Variants in NAV3 observed in about 807,000 individuals in gnomAD.
NAV3 encodes the protein neuron navigator 3, also known as pore membrane and/or filament interacting like protein 1.
Under a neutral mutation model 244.7 loss-of-function variants are expected in NAV3, and 87 were observed. That is an observed-to-expected ratio of 0.36 (90% CI 0.30 to 0.42). The LOEUF (loss-of-function observed/expected upper bound fraction) is 0.42. Among genes scored for constraint, NAV3 ranks in the 20% least tolerant of loss-of-function variants. The pLI is 1.00. For missense variants in NAV3, 2,663 were observed against 2,893.3 expected (o/e 0.92, Z 1.83); for synonymous variants, 1,126 against 1,042.2 (o/e 1.08, Z -1.55).
At chr12:78,136,294 G>A (rs1956371427) in intron 18 of NAV3, among the ~76,000 whole-genome samples, 2 of 152,132 alleles carry the variant, frequency 1.3e-5, no homozygotes, top group South Asian at 4.1e-4. Context: ...TTAAATATGA[G>A]CATTTAGAAT....
At chr12:77,967,127 A>C (rs1377922523) in intron 4 of NAV3, among the ~76,000 whole-genome samples, 4 of 152,082 alleles carry the variant, frequency 2.6e-5, no homozygotes, top group African/African-American at 9.7e-5. Flanking sequence ...TCCCCAGGAT[A>C]ATATGTTGCT....
At position 77,709,771 on chromosome 12, in the gene NAV3, G is replaced by T. The variant is rs146779202; in HGVS notation, c.72+137505G>T. Among the ~76,000 whole-genome samples the T allele has an allele frequency of 8.4e-3, 1,279 of 152,182 alleles. 6 individuals are homozygous for T. Among genetic ancestry groups the T allele is most frequent in the Middle Eastern group, 0.017 (5 of 294 alleles). On this transcript the variant is annotated intron_variant, in intron 2 of 8. Transcript: ENST00000550042. ...TCTCCCTCATCAAATTGCAACCTTGGTAATATTGATTTGTATTTCCAGCAA... is the reference window on the plus strand; with the variant it reads ...TCTCCCTCATCAAATTGCAACCTTGTTAATATTGATTTGTATTTCCAGCAA...
rs768091441 is a variant in NAV3, at chr12:77,994,815, A to G, written c.684A>G (p.Arg228=). The change falls in exon 6 of 40, where the codon AGA becomes AGG. Residue 228 remains arginine (R), a synonymous_variant. Coordinates refer to ENST00000397909, the MANE Select transcript of NAV3 (RefSeq NM_001024383.2). ...TCTCCTCATACAGTCTGGCAGCCAGATATGCAACTCAGTCTAATCACAGTG... is the reference window on the plus strand; with the variant it reads ...TCTCCTCATACAGTCTGGCAGCCAGGTATGCAACTCAGTCTAATCACAGTG... The part of the protein sequence containing the change: ...QQDMQSSLAA[R]YATQSNHSGI... 1.9e-6 allele frequency: 3 copies of G among 1,611,200 alleles called. No individual in the cohort carries two copies. Among genetic ancestry groups the G allele is most frequent in the African/African-American group, 2.7e-5 (2 of 74,780 alleles).
At chr12:77,738,616 A>T (rs1263067633) in intron 2 of NAV3, among the ~76,000 whole-genome samples, 1 of 152,210 alleles carries the variant, frequency 6.6e-6, no homozygotes, top group Non-Finnish European at 1.5e-5. Flanking sequence ...AGGCATATGC[A>T]TTTTGTGTAC....
At chr12:77,750,483 A>G (rs1449621811) in intron 2 of NAV3, among the ~76,000 whole-genome samples, 2 of 151,986 alleles carry the variant, frequency 1.3e-5, no homozygotes, top group African/African-American at 4.8e-5. Flanking sequence ...AGTGCGCTCT[A>G]ATCATGCCTG....
intron 1 of NAV3, among the ~76,000 whole-genome samples, chr12:77,897,954 G>A (rs77279605): frequency 0.076 from 11,536 of 152,148 alleles, 558 homozygotes; most frequent in Non-Finnish European, 0.1. Flanking sequence ...CTAAACTCAC[G>A]CTGGATGACT....
At chr12:78,058,239 A>T (rs138371739) in intron 11 of NAV3, among the ~76,000 whole-genome samples, 134 of 152,278 alleles carry the variant, frequency 8.8e-4, no homozygotes, top group Non-Finnish European at 1.2e-3. Context: ...TAAGGGAAAG[A>T]GGTTTAATTG....
intron 2 of NAV3, among the ~76,000 whole-genome samples, chr12:77,660,366 T>C (rs1450038467): frequency 6.6e-6 from 1 of 152,178 alleles, no homozygotes; most frequent in African/African-American, 2.4e-5. Flanking sequence ...TATTGTAGTA[T>C]CATAAACTAA....
chr12:77,655,575 G>A (rs1329952493), intron 2 of NAV3, among the ~76,000 whole-genome samples: 2 of 152,052 alleles, frequency 1.3e-5, no homozygotes, highest in African/African-American at 4.8e-5. Flanking sequence ...AGCAAGGCAG[G>A]CCAACATTCA....
At chr12:77,972,531 T>A (rs1893084091) in intron 5 of NAV3, among the ~76,000 whole-genome samples, 1 of 152,158 alleles carries the variant, frequency 6.6e-6, no homozygotes, top group Non-Finnish European at 1.5e-5. Context: ...TATTTGCATT[T>A]ATTTAATATA....
chr12:77,656,400 G>A lies in NAV3; in HGVS notation c.72+84134G>A, dbSNP rs371061994. Among the ~76,000 whole-genome samples, 97 of 121,750 alleles carry A rather than the reference G, an allele frequency of 8.0e-4. 1 individual carries two copies. Among genetic ancestry groups the A allele is most frequent in the South Asian group, 1.7e-3 (6 of 3,600 alleles). 79.9% of individuals were successfully genotyped at this position (121,750 alleles called of 152,430 possible). Reference sequence around the variant, plus strand: ...TGGTAAAGGGATCAATTCAACAAGAGGAGCTAACTATCCTAAATATATATG... The same window carrying A: ...TGGTAAAGGGATCAATTCAACAAGAAGAGCTAACTATCCTAAATATATATG... On this transcript the variant is annotated intron_variant, in intron 2 of 8. Coordinates refer to the NAV3 transcript ENST00000550042.
chr12:77,907,616 G>A (rs1042917953), intron 1 of NAV3, among the ~76,000 whole-genome samples: 8 of 152,054 alleles, frequency 5.3e-5, no homozygotes, highest in African/African-American at 1.9e-4. Flanking sequence ...GTAGCAATGT[G>A]TTTGTGGAAG....
intron 11 of NAV3, among the ~76,000 whole-genome samples, chr12:78,054,788 C>T (rs762749651): frequency 2.0e-5 from 3 of 151,760 alleles, no homozygotes; most frequent in Non-Finnish European, 4.4e-5. Context: ...TAGAGAAAAT[C>T]GGCAGAGAGA....
intron 2 of NAV3, among the ~76,000 whole-genome samples, chr12:77,685,400 C>A (rs1009790242): frequency 6.6e-6 from 1 of 151,912 alleles, no homozygotes; most frequent in African/African-American, 2.4e-5. Flanking sequence ...TCATTTCTCT[C>A]TTTGTTCATT....
chr12:77,800,737 G>A (rs1273311583), intron 2 of NAV3, among the ~76,000 whole-genome samples: 1 of 152,144 alleles, frequency 6.6e-6, no homozygotes, highest in African/African-American at 2.4e-5. Flanking sequence ...GATTTAGTAG[G>A]GGGATTATTT....
At chr12:77,762,351 A>G (rs957064055) in intron 2 of NAV3, among the ~76,000 whole-genome samples, 2 of 152,174 alleles carry the variant, frequency 1.3e-5, no homozygotes, top group Admixed American at 1.3e-4. Context: ...TGGGTGCAGC[A>G]AACAATTATG....
chr12:78,200,456 T>A lies in NAV3; in HGVS notation c.6716-17T>A. ...AAATATAACTCTTAAAATATTTTGT[T>A]ATTTATTTCTTATCAGGTCCCCGAC... On this transcript the variant is annotated splice_polypyrimidine_tract_variant and intron_variant, in intron 37 of 39. Coordinates refer to ENST00000397909, the MANE Select transcript of NAV3 (RefSeq NM_001024383.2). 3.5e-6 allele frequency: 5 copies of A among 1,423,424 alleles called. No individual in the cohort carries two copies. The highest frequency in any genetic ancestry group is 4.8e-6 in the Non-Finnish European group (5 of 1,038,080). The allele number at this position is 1,423,424 out of a possible 1,614,324, so 88.2% of individuals were successfully genotyped here. A position where few individuals can be genotyped will look rare whatever the true frequency, so the allele number is the denominator to read the frequency against.
In NAV3 at chr12:78,007,164, A is replaced by G; in HGVS notation, c.1626A>G (p.Ser542=). The change falls in exon 8 of 40, where the codon TCA becomes TCG. Residue 542 remains serine, a synonymous_variant. Transcript: ENST00000397909. ...TTCCAACAGTAAAGCAAACCATTTC[A>G]CCTGGCAGCACAGCAAGCAAAGAGT... is the stretch of plus-strand genomic sequence containing the variant. ...SKVPTVKQTI[S]PGSTASKESE... 4 of 1,614,128 alleles carry G rather than the reference A, an allele frequency of 2.5e-6. No homozygotes were observed. Among genetic ancestry groups the G allele is most frequent in the Non-Finnish European group, 3.4e-6 (4 of 1,180,022 alleles).
chr12:77,902,776 A>G (rs1006784506), intron 1 of NAV3, among the ~76,000 whole-genome samples: 2 of 152,224 alleles, frequency 1.3e-5, no homozygotes, highest in African/African-American at 4.8e-5. Context: ...CCTTAAGCTG[A>G]TAGACAACTT....
Sources: gnomAD v4.1 joint callset for allele counts (sites outside exome capture counted in the v4.1 genomes callset) on GRCh38, gnomAD v4.1.1 for gene constraint, MANE v1.5 for transcripts, NCBI Gene and HGNC (gene_info 2026-07-23, HGNC 2026-07-21) for gene names.